SDK1: variants seen among roughly 807,000 people sequenced by gnomAD.
SDK1 encodes sidekick cell adhesion molecule 1, also known as protein sidekick-1.
In SDK1, 157 loss-of-function variants were observed where a neutral mutation model predicts 245.5. The ratio of observed to expected loss-of-function variants is 0.64; its 90% confidence interval spans 0.56 to 0.73. The LOEUF (loss-of-function observed/expected upper bound fraction) is 0.73. Among genes scored for constraint, SDK1 ranks in the 30% least tolerant of loss-of-function variants. SDK1 has a pLI of 0.00. For synonymous variants in SDK1, 1,647 were observed against 1,278.5 expected (o/e 1.29, Z -6.15); for missense variants, 3,583 against 3,002.3 (o/e 1.19, Z -4.52).
rs776885294 is a variant in SDK1, at chr7:4,265,119, C to G, written c.6382-5C>G. On this transcript the variant is annotated splice_region_variant and splice_polypyrimidine_tract_variant and intron_variant, in intron 44 of 44. Transcript: ENST00000404826. ...CACTCACACCTTCTCTCCCGCTCCCCGCAGGCCACGGACTCTGACTACGAG... is the reference window on the plus strand; with the variant it reads ...CACTCACACCTTCTCTCCCGCTCCCGGCAGGCCACGGACTCTGACTACGAG... 2 of 1,610,154 alleles carry G rather than the reference C, an allele frequency of 1.2e-6. No homozygotes were observed. The highest frequency in any genetic ancestry group is 1.7e-6 in the Non-Finnish European group (2 of 1,179,246).
At chr7:3,587,099 C>T (rs1241606531) in intron 1 of SDK1, among the ~76,000 whole-genome samples, 1 of 152,094 alleles carries the variant, frequency 6.6e-6, no homozygotes, top group Non-Finnish European at 1.5e-5. Flanking sequence ...TGTGTGAAAA[C>T]CTTTGTTGAA....
chr7:3,741,131 G>A (rs149991482), intron 4 of SDK1, among the ~76,000 whole-genome samples: 1 of 152,190 alleles, frequency 6.6e-6, no homozygotes, highest in African/African-American at 2.4e-5. Flanking sequence ...GCCACCTCCT[G>A]TATACCAAGT....
intron 5 of SDK1, among the ~76,000 whole-genome samples, chr7:3,871,739 T>A (rs992274763): frequency 2.6e-5 from 4 of 152,164 alleles, no homozygotes; most frequent in African/African-American, 9.7e-5. Flanking sequence ...AACCCTTTCG[T>A]GAGGGATCTG....
chr7:3,886,876 A>G (rs1411371034), intron 5 of SDK1, among the ~76,000 whole-genome samples: 1 of 152,170 alleles, frequency 6.6e-6, no homozygotes, highest in Non-Finnish European at 1.5e-5. Context: ...TAATCACACT[A>G]CTGCACACCA....
intron 5 of SDK1, among the ~76,000 whole-genome samples, chr7:3,933,201 C>T (rs992679955): frequency 1.4e-5 from 2 of 147,298 alleles, no homozygotes; most frequent in African/African-American, 2.6e-5. Flanking sequence ...GCCTTGACCT[C>T]CTGGGCTCAA....
chr7:4,053,199 A>G (rs549932890), intron 19 of SDK1, among the ~76,000 whole-genome samples: 4 of 151,314 alleles, frequency 2.6e-5, no homozygotes, highest in East Asian at 2.0e-4. Context: ...TGTCTCTACT[A>G]GAGTTTGGCC....
intron 5 of SDK1, among the ~76,000 whole-genome samples, chr7:3,897,003 T>G (rs10951368): frequency 0.33 from 49,553 of 151,946 alleles, 11,682 homozygotes; most frequent in African/African-American, 0.67. Context: ...TTACATGGCA[T>G]CAGGAGAGAG....
chr7:3,633,190 T>C (rs1160225885), intron 2 of SDK1, among the ~76,000 whole-genome samples: 1 of 152,184 alleles, frequency 6.6e-6, no homozygotes, highest in Non-Finnish European at 1.5e-5. Flanking sequence ...AGCATAAAAA[T>C]TAAAGTTGTG....
intron 28 of SDK1, among the ~76,000 whole-genome samples, chr7:4,142,897 A>G (rs10266524): frequency 0.014 from 2,082 of 152,328 alleles, 63 homozygotes; most frequent in African/African-American, 0.048. Flanking sequence ...CAAGATGAAC[A>G]TCGATTATGT....
intron 1 of SDK1, among the ~76,000 whole-genome samples, chr7:3,461,235 T>C (rs1321484336): frequency 1.3e-5 from 2 of 152,190 alleles, no homozygotes; most frequent in East Asian, 3.8e-4. Context: ...TTTGTCTAGT[T>C]TCTCTTGATT....
At chr7:3,787,715 C>T (rs1780949297) in intron 4 of SDK1, among the ~76,000 whole-genome samples, 1 of 152,174 alleles carries the variant, frequency 6.6e-6, no homozygotes, top group African/African-American at 2.4e-5. Context: ...AAACAGTTAA[C>T]TCAGAGATGC....
rs184196217 is a variant in SDK1 at position 3,763,040 on chromosome 7, T to G, written c.714-58410T>G. ...AGGAGAGTAATTTTCTGGGATCCTT[T>G]TTCAGTACCCTATCCTGTGTCAACA... is the stretch of plus-strand genomic sequence containing the variant. On this transcript the variant is annotated intron_variant, in intron 4 of 44. Transcript: ENST00000404826. Among the ~76,000 whole-genome samples the G allele has an allele frequency of 9.4e-4, 143 of 152,292 alleles. 1 individual carries two copies. The highest frequency in any genetic ancestry group is 3.4e-3 in the African/African-American group (140 of 41,570).
intron 1 of SDK1, among the ~76,000 whole-genome samples, chr7:3,456,743 C>G (rs553979251): frequency 6.6e-6 from 1 of 152,036 alleles, no homozygotes. Flanking sequence ...AGTTGTGATT[C>G]CCCTAGGTTT....
At chr7:3,398,778 T>C (rs1441019046) in intron 1 of SDK1, among the ~76,000 whole-genome samples, 1 of 151,264 alleles carries the variant, frequency 6.6e-6, no homozygotes, top group Middle Eastern at 3.2e-3. Context: ...GTTTTTTTTT[T>C]TTTTTTTCCT....
chr7:4,096,794 C>T (rs1175405641), intron 22 of SDK1, among the ~76,000 whole-genome samples: 1 of 151,864 alleles, frequency 6.6e-6, no homozygotes, highest in African/African-American at 2.4e-5. Context: ...GCAAGATGAG[C>T]GCCACATAGG....
At chr7:3,649,356 A>G (rs141343609) in intron 4 of SDK1, among the ~76,000 whole-genome samples, 311 of 152,150 alleles carry the variant, frequency 2.0e-3, no homozygotes, top group African/African-American at 7.1e-3. Flanking sequence ...TTCAATAAAT[A>G]TGTGCACAGA....
chr7:3,902,780 C>G (rs1781833454), intron 5 of SDK1, among the ~76,000 whole-genome samples: 1 of 152,178 alleles, frequency 6.6e-6, no homozygotes, highest in Non-Finnish European at 1.5e-5. Context: ...TTCAAAGTTC[C>G]TGGTATATCC....
intron 4 of SDK1, among the ~76,000 whole-genome samples, chr7:3,721,349 C>T (rs1302704044): frequency 6.6e-6 from 1 of 152,174 alleles, no homozygotes; most frequent in African/African-American, 2.4e-5. Flanking sequence ...ACTGTAGTTA[C>T]TCAGCACGAT....
chr7:4,005,343 G>C (rs1035524257), intron 14 of SDK1, among the ~76,000 whole-genome samples: 1 of 151,392 alleles, frequency 6.6e-6, no homozygotes, highest in Non-Finnish European at 1.5e-5. Flanking sequence ...ATTGCCTGGA[G>C]ACTGGATTTG....
Sources: allele counts gnomAD v4.1 joint callset (sites outside exome capture counted in the v4.1 genomes callset), GRCh38; gene constraint gnomAD v4.1.1; transcripts MANE v1.5; gene names NCBI Gene and HGNC (gene_info 2026-07-23, HGNC 2026-07-21).